Variants in ABCC1 observed in about 807,000 individuals in gnomAD.
The protein encoded by ABCC1 is ATP binding cassette subfamily C member 1 (ABCC1 blood group).
ABCC1 carries 83 observed loss-of-function variants against 172.9 expected under a neutral mutation model. The ratio of observed to expected loss-of-function variants is 0.48; its 90% confidence interval spans 0.40 to 0.58. The LOEUF (loss-of-function observed/expected upper bound fraction) is 0.58. Among genes scored for constraint, ABCC1 ranks in the 20% least tolerant of loss-of-function variants. ABCC1 has a pLI of 0.00. For synonymous variants in ABCC1, 937 were observed against 825.2 expected, an observed-to-expected ratio of 1.14 and a Z score of -2.32; for missense variants, 1,817 against 2,002.7, an observed-to-expected ratio of 0.91 and a Z score of 1.77.
chr16:16,124,337 G>GTGTGTA lies in ABCC1; in HGVS notation c.3591-447_3591-446insATGTGT, dbSNP rs1555502571. Among the ~76,000 whole-genome samples the GTGTGTA allele has an allele frequency of 7.1e-3, 870 of 122,494 alleles. 20 individuals are homozygous for GTGTGTA. Among genetic ancestry groups the GTGTGTA allele is most frequent in the South Asian group, 0.012 (43 of 3,632 alleles). 80.4% of individuals were successfully genotyped at this position (122,494 alleles called of 152,430 possible). A position where few individuals can be genotyped will look rare whatever the true frequency, so the allele number is the denominator to read the frequency against. On this transcript the variant is annotated intron_variant, in intron 24 of 30. Transcript: ENST00000399410. The stretch of plus-strand genomic sequence containing the variant: ...GCACTGTGTGTGTGTGTGTGTGTGT[G>GTGTGTA]TGTGTGTGTGTGATTATAGGAGTGA...
Sources: gnomAD v4.1 joint callset for allele counts (sites outside exome capture counted in the v4.1 genomes callset) on GRCh38, gnomAD v4.1.1 for gene constraint, MANE v1.5 for transcripts, NCBI Gene and HGNC (gene_info 2026-07-23, HGNC 2026-07-21) for gene names.